The following EFR3A variants were observed in gnomAD, a reference collection of about 807,000 sequenced individuals.
The protein encoded by EFR3A is EFR3 homolog A, also known as protein EFR3 homolog A.
A neutral mutation model predicts 104.4 loss-of-function variants in EFR3A; 76 were observed. That is an observed-to-expected ratio of 0.73 (90% CI 0.60 to 0.88). EFR3A has a LOEUF of 0.88. EFR3A is among the 40% of genes least tolerant of loss of function. The pLI is 0.00. For synonymous variants in EFR3A, 330 were observed against 330.0 expected (o/e 1.00, Z 0.00); for missense variants, 985 against 1,012.5 (o/e 0.97, Z 0.37).
intron 10 of EFR3A, among the ~76,000 whole-genome samples, chr8:131,975,668 G>A (rs1285900713): frequency 1.3e-5 from 2 of 151,842 alleles, no homozygotes; most frequent in Admixed American, 6.6e-5. Flanking sequence ...CGCACACCTC[G>A]GCCTCCCAAA....
chr8:131,928,406 A>T (rs1452625922), intron 1 of EFR3A, among the ~76,000 whole-genome samples: 3 of 152,062 alleles, frequency 2.0e-5, no homozygotes, highest in Non-Finnish European at 4.4e-5. Flanking sequence ...TGTTATTCTG[A>T]TCAATTATTT....
chr8:131,993,923 A>G (rs1821341906), intron 18 of EFR3A, among the ~76,000 whole-genome samples: 1 of 152,066 alleles, frequency 6.6e-6, no homozygotes, highest in Admixed American at 6.6e-5. Context: ...GCACACTGGG[A>G]CCTGTTGGAG....
intron 1 of EFR3A, among the ~76,000 whole-genome samples, chr8:131,925,419 T>TA (rs1817247911): frequency 1.3e-5 from 2 of 152,126 alleles, no homozygotes; most frequent in Admixed American, 1.3e-4. Context: ...ATCAGTAAGT[T>TA]ACCTACTTAG....
At chr8:131,992,405 T>C (rs1586664039) in intron 18 of EFR3A, among the ~76,000 whole-genome samples, 1 of 152,326 alleles carries the variant, frequency 6.6e-6, no homozygotes, top group East Asian at 1.9e-4. Flanking sequence ...GTACTGATTC[T>C]GTACCTTCAG....
intron 1 of EFR3A, among the ~76,000 whole-genome samples, chr8:131,923,169 T>A (rs1019100237): frequency 2.6e-5 from 4 of 152,080 alleles, no homozygotes; most frequent in African/African-American, 9.7e-5. Context: ...AAGACCGGCC[T>A]GTCAATGAAG....
At position 131,913,219 on chromosome 8, in the gene EFR3A, C is replaced by CTTCTATTT. The variant is rs1563808498; in HGVS notation, c.10+8897_10+8898insTTCTATTT. On this transcript the variant is annotated intron_variant, in intron 1 of 22. Coordinates refer to ENST00000254624, the MANE Select transcript of EFR3A (RefSeq NM_015137.6). ...GATCACAAAATGAATGTTGGCAGTTCCTCCTATGATTAATATGTCAGACAT... is the reference window on the plus strand; with the variant it reads ...GATCACAAAATGAATGTTGGCAGTTCTTCTATTTCTCCTATGATTAATATGTCAGACAT... Among the ~76,000 whole-genome samples the CTTCTATTT allele has an allele frequency of 1.9e-3, 275 of 147,802 alleles. 2 individuals are homozygous for CTTCTATTT. Among genetic ancestry groups the CTTCTATTT allele is most frequent in the African/African-American group, 6.7e-3 (267 of 39,970 alleles).
Position 131,995,603 on chromosome 8 carries a change from A to G in EFR3A, c.2066-803A>G, listed in dbSNP as rs145779460. Among the ~76,000 whole-genome samples, 159 of 152,324 alleles carry G rather than the reference A, an allele frequency of 1.0e-3. No homozygotes were observed. The East Asian group carries it at 0.021, about 20-fold the overall frequency. On this transcript the variant is annotated intron_variant, in intron 18 of 22. Transcript: ENST00000254624. ...TGGTTAAGCAGAAAATGGGCTAGGA[A>G]TAGCTTTTGAATTTAGTGATTTGGA...
Position 131,976,010 on chromosome 8 carries a change from T to A in EFR3A, c.1160-17T>A, listed in dbSNP as rs763144820. On this transcript the variant is annotated splice_polypyrimidine_tract_variant and intron_variant, in intron 10 of 22. Transcript: ENST00000254624. ...AGACTTTTTCAGTTTCTAAAATTTGTCTTAATACTTTCATAGGATTTTTTG... is the reference window on the plus strand; with the variant it reads ...AGACTTTTTCAGTTTCTAAAATTTGACTTAATACTTTCATAGGATTTTTTG... The A allele has an allele frequency of 1.4e-6, 2 of 1,474,722 alleles. No individual in the cohort carries two copies. The highest frequency in any genetic ancestry group is 2.5e-5 in the South Asian group (2 of 81,216). 91.4% of individuals were successfully genotyped at this position (1,474,722 alleles called of 1,614,324 possible).
intron 22 of EFR3A, among the ~76,000 whole-genome samples, chr8:132,009,257 A>G (rs1586689934): frequency 6.6e-6 from 1 of 152,242 alleles, no homozygotes; most frequent in Admixed American, 6.6e-5. Flanking sequence ...TATCTCTGAA[A>G]TATGCTTAAG....
intron 1 of EFR3A, among the ~76,000 whole-genome samples, chr8:131,939,248 A>G (rs1818050293): frequency 2.6e-5 from 4 of 152,112 alleles, no homozygotes; most frequent in African/African-American, 7.2e-5. Flanking sequence ...ACTTGTGTGT[A>G]GTAAGACAAA....
intron 1 of EFR3A, among the ~76,000 whole-genome samples, chr8:131,933,158 A>G (rs1205400832): frequency 1.3e-5 from 2 of 152,188 alleles, no homozygotes; most frequent in Non-Finnish European, 2.9e-5. Flanking sequence ...ATATTAAAAA[A>G]GGGAATCACA....
chr8:132,000,082 T>TA (rs770648157), intron 19 of EFR3A, among the ~76,000 whole-genome samples: 2 of 151,638 alleles, frequency 1.3e-5, no homozygotes, highest in Non-Finnish European at 1.5e-5. Flanking sequence ...AAGGAGACAT[T>TA]AAAAAAAAGA....
At chr8:131,906,146 A>C (rs909717633) in intron 1 of EFR3A, among the ~76,000 whole-genome samples, 2 of 152,248 alleles carry the variant, frequency 1.3e-5, no homozygotes, top group African/African-American at 4.8e-5. Flanking sequence ...AATAGTGTTC[A>C]TATTTGCCTT....
chr8:131,913,132 GTTT>G (rs5895116), intron 1 of EFR3A, among the ~76,000 whole-genome samples: 1 of 132,286 alleles, frequency 7.6e-6, no homozygotes, highest in Non-Finnish European at 1.6e-5. Context: ...TTATTTTTCT[GTTT>G]TTTTTTTTTT....
chr8:132,002,438 A>C (rs1821829083), intron 20 of EFR3A, among the ~76,000 whole-genome samples, 165 bp from the exon 21 acceptor site: 1 of 152,142 alleles, frequency 6.6e-6, no homozygotes, highest in African/African-American at 2.4e-5. Flanking sequence ...TTCTAGCCTT[A>C]AACAAGACAT....
chr8:131,966,474 A>T (rs191654101), intron 8 of EFR3A, among the ~76,000 whole-genome samples: 5 of 152,338 alleles, frequency 3.3e-5, no homozygotes, highest in African/African-American at 9.6e-5. Flanking sequence ...CAAGTCACAA[A>T]TTGAAAAGTA....
chr8:131,905,110 T>C (rs1312349079), intron 1 of EFR3A, among the ~76,000 whole-genome samples: 3 of 152,222 alleles, frequency 2.0e-5, no homozygotes, highest in Non-Finnish European at 4.4e-5. Context: ...AGTGTGACTT[T>C]ATAGCCACTG....
intron 1 of EFR3A, among the ~76,000 whole-genome samples, chr8:131,920,550 T>A (rs1232067031): frequency 6.6e-6 from 1 of 152,214 alleles, no homozygotes; most frequent in African/African-American, 2.4e-5. Context: ...TCAAGCAGGA[T>A]GTCGCTTCCC....
chr8:131,948,829 G>T (rs1308225224), intron 4 of EFR3A, among the ~76,000 whole-genome samples: 1 of 151,952 alleles, frequency 6.6e-6, no homozygotes, highest in African/African-American at 2.4e-5. Context: ...TTTCTTAGTG[G>T]TGCTGAGTGC....
Sources: gnomAD v4.1 joint callset for allele counts (sites outside exome capture counted in the v4.1 genomes callset) on GRCh38, gnomAD v4.1.1 for gene constraint, MANE v1.5 for transcripts, NCBI Gene and HGNC (gene_info 2026-07-23, HGNC 2026-07-21) for gene names.